The following KIAA0825 variants were observed in gnomAD, a reference collection of about 807,000 sequenced individuals.
KIAA0825 encodes KIAA0825.
Under a neutral mutation model 147.6 loss-of-function variants are expected in KIAA0825, and 119 were observed. The ratio of observed to expected loss-of-function variants is 0.81; its 90% CI spans 0.69 to 0.94. The LOEUF (loss-of-function observed/expected upper bound fraction) is 0.94, where lower values mean the gene tolerates loss of function less well. Ranked by LOEUF, KIAA0825 falls within the 40% of genes least tolerant of loss-of-function variation. The pLI is 0.00. For synonymous variants in KIAA0825, 470 were observed against 518.1 expected, an observed-to-expected ratio of 0.91 and a Z score of 1.26; for missense variants, 1,381 against 1,472.7, an observed-to-expected ratio of 0.94 and a Z score of 1.02.
At chr5:94,200,756 A>C (rs1046771210) in intron 20 of KIAA0825, among the ~76,000 whole-genome samples, 5 of 151,774 alleles carry the variant, frequency 3.3e-5, no homozygotes, top group African/African-American at 1.2e-4. Flanking sequence ...ACTGAAACCA[A>C]TTCACAAAGA....
At chr5:94,285,753 G>A (rs1187233326) in intron 20 of KIAA0825, among the ~76,000 whole-genome samples, 2 of 152,178 alleles carry the variant, frequency 1.3e-5, no homozygotes, top group African/African-American at 4.8e-5. Context: ...GTAATGACTA[G>A]TAATGCCAAA....
At chr5:94,420,032 TAAG>T (rs1753971095) in intron 14 of KIAA0825, among the ~76,000 whole-genome samples, 1 of 151,994 alleles carries the variant, frequency 6.6e-6, no homozygotes, top group African/African-American at 2.4e-5. Context: ...GCCAAGTCTT[TAAG>T]AAGGAGTAGA....
At chr5:94,486,160 C>T (rs185611800) in intron 5 of KIAA0825, among the ~76,000 whole-genome samples, 2 of 151,954 alleles carry the variant, frequency 1.3e-5, no homozygotes, top group Non-Finnish European at 2.9e-5. Flanking sequence ...TTTATTAATG[C>T]CTTTTATTAA....
intron 20 of KIAA0825, among the ~76,000 whole-genome samples, chr5:94,350,590 G>A (rs191085583): frequency 6.6e-6 from 1 of 152,318 alleles, no homozygotes; most frequent in East Asian, 1.9e-4. Context: ...CCATGATCAA[G>A]TGGGTTTCAT....
rs1241028328 is a variant in KIAA0825, at chr5:94,152,733, T to G, written c.*1274A>C. Among the ~76,000 whole-genome samples, 6 of 144,186 alleles carry G rather than the reference T, an allele frequency of 4.2e-5. No individual in the cohort carries two copies. Among genetic ancestry groups the G allele is most frequent in the African/African-American group, 1.0e-4 (4 of 38,662 alleles). The allele number at this position is 144,186 out of a possible 152,430, so 94.6% of individuals were successfully genotyped here. On this transcript the variant is annotated 3_prime_UTR_variant, in exon 21 of 21. Transcript: ENST00000682413. ...AGGAGGCTGAGGTGGGAGTATTGCT[T>G]GAGCCTATGAGTTTGAGGTTACATT... is the stretch of plus-strand genomic sequence containing the variant.
intron 1 of KIAA0825, among the ~76,000 whole-genome samples, chr5:94,588,291 C>T (rs1316013886): frequency 1.3e-5 from 2 of 152,144 alleles, no homozygotes; most frequent in Admixed American, 6.5e-5. Flanking sequence ...GCAATCTACT[C>T]ATCTGACAAA....
intron 5 of KIAA0825, chr5:94,519,499 CTTTCCTTT>C: frequency 1.4e-6 from 1 of 738,014 alleles, no homozygotes; most frequent in Non-Finnish European, 1.7e-6. Flanking sequence ...ACAATAACTT[CTTTCCTTT>C]TTTCCTTTAT....
chr5:94,202,024 A>G (rs558999151), intron 20 of KIAA0825, among the ~76,000 whole-genome samples: 50 of 152,294 alleles, frequency 3.3e-4, no homozygotes, highest in African/African-American at 1.1e-3. Flanking sequence ...ATCTAAGATA[A>G]TCAGATATTA....
At chr5:94,229,511 T>TC (rs1427963771) in intron 20 of KIAA0825, among the ~76,000 whole-genome samples, 1 of 151,912 alleles carries the variant, frequency 6.6e-6, no homozygotes, top group Non-Finnish European at 1.5e-5. Context: ...AATTTTTTTT[T>TC]TTTTTTTGGT....
At chr5:94,423,022 T>C (rs1754397184) in intron 14 of KIAA0825, among the ~76,000 whole-genome samples, 2 of 152,192 alleles carry the variant, frequency 1.3e-5, no homozygotes, top group South Asian at 4.1e-4. Flanking sequence ...CTTAGCCCAG[T>C]GGGCTTTTCT....
At chr5:94,515,186 T>TTTAA (rs1767033342) in intron 5 of KIAA0825, among the ~76,000 whole-genome samples, 1 of 152,182 alleles carries the variant, frequency 6.6e-6, no homozygotes, top group Non-Finnish European at 1.5e-5. Context: ...CACTGAGAAA[T>TTTAA]GTAGCATTTA....
At position 94,379,844 on chromosome 5, in the gene KIAA0825, CTTTTTTTTTTTTT is replaced by C. The variant is rs59886046; in HGVS notation, c.3710+4511_3710+4523del. 7.2e-5 allele frequency among the ~76,000 whole-genome samples: 4 copies of C among 55,722 alleles called. No homozygotes were observed. The East Asian group carries it at 2.2e-3, about 31-fold the overall frequency. 36.6% of individuals were successfully genotyped at this position (55,722 alleles called of 152,430 possible). On this transcript the variant is annotated intron_variant, in intron 20 of 20. Transcript: ENST00000682413. ...TAGCTGTATTCCTAGGTATTTTATT[CTTTTTTTTTTTTT>C]TTTTTTTTTTTTTTGAGAAGGAGTC...
At chr5:94,183,583 C>A (rs749673305) in intron 20 of KIAA0825, among the ~76,000 whole-genome samples, 3 of 152,054 alleles carry the variant, frequency 2.0e-5, no homozygotes, top group Non-Finnish European at 2.9e-5. Flanking sequence ...CCTTGACATC[C>A]CAGAAGGAGA....
chr5:94,182,158 C>T (rs1353764750), intron 20 of KIAA0825, among the ~76,000 whole-genome samples: 1 of 151,112 alleles, frequency 6.6e-6, no homozygotes, highest in Non-Finnish European at 1.5e-5. Flanking sequence ...ACAATGCAGG[C>T]TCACTTCACC....
At position 94,151,423 on chromosome 5, in the gene KIAA0825, CAAAAAAAAAAAAAAA is replaced by C. The variant is rs11363132; in HGVS notation, c.*2569_*2583del. Among the ~76,000 whole-genome samples, 4 of 21,524 alleles carry C rather than the reference CAAAAAAAAAAAAAAA, an allele frequency of 1.9e-4. No individual in the cohort carries two copies. Among genetic ancestry groups the C allele is most frequent in the East Asian group, 1.8e-3 (1 of 548 alleles). The allele number at this position is 21,524 out of a possible 152,430, so 14.1% of individuals were successfully genotyped here. A position where few individuals can be genotyped will look rare whatever the true frequency, so the allele number is the denominator to read the frequency against. ...TGGGCGACAGAGCGAGACTCCGTCT[CAAAAAAAAAAAAAAA>C]AAAAAAAAAAAAACATATTGAGTAT... On this transcript the variant is annotated 3_prime_UTR_variant, in exon 21 of 21. Transcript: ENST00000682413.
intron 20 of KIAA0825, among the ~76,000 whole-genome samples, chr5:94,317,502 C>T (rs1010734361): frequency 6.6e-6 from 1 of 151,866 alleles, no homozygotes; most frequent in Admixed American, 6.6e-5. Flanking sequence ...CACATTGTTA[C>T]TGAAGCCTAT....
chr5:94,506,050 C>T (rs913515721), intron 5 of KIAA0825, among the ~76,000 whole-genome samples: 1 of 152,192 alleles, frequency 6.6e-6, no homozygotes, highest in Non-Finnish European at 1.5e-5. Flanking sequence ...ATTTTAACTA[C>T]TATTGCACAC....
intron 20 of KIAA0825, among the ~76,000 whole-genome samples, chr5:94,183,865 A>G (rs1251515586): frequency 2.0e-5 from 3 of 152,230 alleles, no homozygotes; most frequent in Non-Finnish European, 4.4e-5. Flanking sequence ...ATCCTTTATA[A>G]TAAACAATAA....
chr5:94,165,351 G>A (rs1461080206), intron 20 of KIAA0825, among the ~76,000 whole-genome samples: 3 of 152,078 alleles, frequency 2.0e-5, no homozygotes, highest in African/African-American at 7.2e-5. Flanking sequence ...CCAAAGACAG[G>A]CAATAACAAA....
Sources: allele counts gnomAD v4.1 joint callset (sites outside exome capture counted in the v4.1 genomes callset), GRCh38; gene constraint gnomAD v4.1.1; transcripts MANE v1.5; gene names NCBI Gene and HGNC (gene_info 2026-07-23, HGNC 2026-07-21).